OTOA: variants seen among roughly 807,000 people sequenced by gnomAD.
OTOA encodes the protein otoancorin.
Under a neutral mutation model 110.8 loss-of-function variants are expected in OTOA, and 70 were observed. That is an observed-to-expected ratio of 0.63 (90% CI 0.52 to 0.77). The LOEUF is 0.77. Among genes scored for constraint, OTOA ranks in the 30% least tolerant of loss-of-function variants. The probability of loss-of-function intolerance (pLI) is 0.00; values close to 1 mark genes in which losing one functional copy is unlikely to be tolerated. For missense variants in OTOA, 917 were observed against 1,075.8 expected (o/e 0.85, Z 2.06); for synonymous variants, 373 against 431.5 (o/e 0.86, Z 1.68).
chr16:21,709,478 C>T (rs193177548), intron 12 of OTOA, among the ~76,000 whole-genome samples: 5 of 151,892 alleles, frequency 3.3e-5, no homozygotes, highest in Non-Finnish European at 7.4e-5. Context: ...TATAAATTAT[C>T]GTGAAAAGGC....
intron 5 of OTOA, among the ~76,000 whole-genome samples, chr16:21,679,564 C>G (rs908167706): frequency 6.6e-6 from 1 of 151,890 alleles, no homozygotes; most frequent in Non-Finnish European, 1.5e-5. Flanking sequence ...GTCACCATGC[C>G]CGGCTAATTT....
intron 9 of OTOA, among the ~76,000 whole-genome samples, chr16:21,696,071 T>C (rs956634446): frequency 6.6e-6 from 1 of 150,934 alleles, no homozygotes; most frequent in Admixed American, 6.6e-5. Context: ...ATTTTTGTAG[T>C]TTTATTAGAG....
intron 1 of OTOA, among the ~76,000 whole-genome samples, chr16:21,667,567 C>A (rs1013051128): frequency 2.0e-5 from 3 of 151,334 alleles, no homozygotes; most frequent in African/African-American, 4.9e-5. Flanking sequence ...GGCATGGTAA[C>A]CCCAGCGTGG....
intron 10 of OTOA, 60 bp from the exon 11 acceptor site, chr16:21,700,828 G>A: frequency 6.2e-7 from 1 of 1,605,876 alleles, no homozygotes; most frequent in Non-Finnish European, 8.5e-7. Context: ...ACCAGGGTGG[G>A]GCCACACTGG....
At chr16:21,720,917 T>TATC (rs1555500490) in intron 17 of OTOA, among the ~76,000 whole-genome samples, 1 of 149,276 alleles carries the variant, frequency 6.7e-6, no homozygotes, top group African/African-American at 2.5e-5. Context: ...TTATTATTAT[T>TATC]ATTATCATTA....
intron 13 of OTOA, among the ~76,000 whole-genome samples, chr16:21,710,347 GAGCA>G (rs748719554): frequency 5.3e-5 from 8 of 152,088 alleles, no homozygotes; most frequent in Non-Finnish European, 7.3e-5. Context: ...GACCACATGA[GAGCA>G]AGCTCTCTGG....
chr16:21,666,892 G>GA (rs1427673002), intron 1 of OTOA, among the ~76,000 whole-genome samples: 1 of 152,174 alleles, frequency 6.6e-6, no homozygotes, highest in Non-Finnish European at 1.5e-5. Context: ...ATGCACAGCA[G>GA]AAAGCAAGGC....
chr16:21,686,481 CG>C (rs1897714058), intron 7 of OTOA, among the ~76,000 whole-genome samples: 1 of 151,900 alleles, frequency 6.6e-6, no homozygotes, highest in African/African-American at 2.4e-5. Context: ...TTTTTAGGGA[CG>C]GGGTCTCCCT....
At chr16:21,693,533 A>AAG (rs1284177598) in intron 9 of OTOA, among the ~76,000 whole-genome samples, 4 of 152,152 alleles carry the variant, frequency 2.6e-5, no homozygotes, top group African/African-American at 9.6e-5. Flanking sequence ...TAAGTAAATA[A>AAG]AGAGAGAGAG....
At chr16:21,735,994 A>T (rs1899283030) in intron 21 of OTOA, among the ~76,000 whole-genome samples, 1 of 152,208 alleles carries the variant, frequency 6.6e-6, no homozygotes, top group African/African-American at 2.4e-5. Context: ...AAGTATTAGC[A>T]CTTCATTTTA....
rs549910500 is a variant in OTOA, at chr16:21,700,096, A to G, written c.841-792A>G. Among the ~76,000 whole-genome samples, 266 of 152,230 alleles carry G rather than the reference A, an allele frequency of 1.7e-3. 1 individual carries two copies. The highest frequency in any genetic ancestry group is 5.6e-3 in the African/African-American group (231 of 41,554). ...CGTGGCACCCTTGGACATGTGGGCC[A>G]AAAAGGAACAAGAATGTTGGGAATC... On this transcript the variant is annotated intron_variant, in intron 10 of 28. Transcript: ENST00000646100.
At chr16:21,759,856 C>T (rs552940280) in intron 28 of OTOA, among the ~76,000 whole-genome samples, 59 of 151,816 alleles carry the variant, frequency 3.9e-4, no homozygotes, top group African/African-American at 1.2e-3. Context: ...GCCGAGATGG[C>T]GCCATTGCAC....
intron 11 of OTOA, among the ~76,000 whole-genome samples, chr16:21,702,642 A>G (rs1898075506): frequency 6.6e-6 from 1 of 152,186 alleles, no homozygotes; most frequent in Non-Finnish European, 1.5e-5. Context: ...CACACTTGAC[A>G]CATAGTAAGT....
chr16:21,721,276 CACAAA>C (rs2141707674), intron 17 of OTOA: 1 of 440,370 alleles, frequency 2.3e-6, no homozygotes. Context: ...CACACACACA[CACAAA>C]CAACCAATAC....
intron 1 of OTOA, among the ~76,000 whole-genome samples, chr16:21,670,428 G>A (rs1966847525): frequency 1.3e-5 from 2 of 151,876 alleles, no homozygotes; most frequent in African/African-American, 4.8e-5. Context: ...ACTTCCTGAG[G>A]TCTCTGCTTA....
chr16:21,719,592 A>G, intron 17 of OTOA, 88 bp downstream of exon 17: 5 of 1,232,896 alleles, frequency 4.1e-6, no homozygotes, highest in Non-Finnish European at 6.0e-6. Flanking sequence ...AAAGATCTTT[A>G]TGCCAGAATC....
At chr16:21,707,654 T>TC (rs1898224911) in intron 12 of OTOA, among the ~76,000 whole-genome samples, 1 of 116,978 alleles carries the variant, frequency 8.5e-6, no homozygotes, top group Non-Finnish European at 2.0e-5. Context: ...TCTTTCTTTC[T>TC]TTCTCTTTCT....
intron 1 of OTOA, among the ~76,000 whole-genome samples, chr16:21,677,263 T>C (rs1255196237): frequency 2.0e-5 from 3 of 152,166 alleles, no homozygotes; most frequent in African/African-American, 7.2e-5. Context: ...TAAGACACTG[T>C]CAAACAGTTT....
chr16:21,687,791 A>G (rs1251729737), intron 8 of OTOA, 143 bp downstream of exon 8: 2 of 764,978 alleles, frequency 2.6e-6, no homozygotes, highest in Non-Finnish European at 4.3e-6. Context: ...CCTCAATTCC[A>G]AGTAGCTGGG....
Sources: gnomAD v4.1 joint callset for allele counts (sites outside exome capture counted in the v4.1 genomes callset) on GRCh38, gnomAD v4.1.1 for gene constraint, MANE v1.5 for transcripts, NCBI Gene and HGNC (gene_info 2026-07-23, HGNC 2026-07-21) for gene names.